Variants in EIF2B5 observed in about 807,000 individuals in gnomAD.
EIF2B5 encodes eukaryotic translation initiation factor 2B subunit epsilon, also known as translation initiation factor eIF2B subunit epsilon.
In EIF2B5, 38 loss-of-function variants were observed where a neutral mutation model predicts 87.3. The observed-to-expected ratio is 0.44, with a 90% CI of 0.34 to 0.57. The LOEUF (loss-of-function observed/expected upper bound fraction) is 0.57. Ranked by LOEUF, EIF2B5 falls within the 20% of genes least tolerant of loss-of-function variation. EIF2B5 has a pLI of 0.02. For synonymous variants in EIF2B5, 313 were observed against 339.6 expected (o/e 0.92, Z 0.86); for missense variants, 784 against 909.5 (o/e 0.86, Z 1.78).
chr3:184,136,784 T>C (rs755979083), intron 2 of EIF2B5, 48 bp downstream of exon 2: 1 of 1,613,646 alleles, frequency 6.2e-7, no homozygotes, highest in South Asian at 1.1e-5. Flanking sequence ...CTTTTTCCAG[T>C]TTTTTCAGGA....
chr3:184,139,399 GC>G (rs1225385533), intron 5 of EIF2B5, among the ~76,000 whole-genome samples: 2 of 144,418 alleles, frequency 1.4e-5, no homozygotes, highest in Non-Finnish European at 3.0e-5. Context: ...CCCTGCCTCA[GC>G]CTCCCAAATA....
Position 184,142,222 on chromosome 3 carries a change from T to C in EIF2B5, c.1303-15T>C. 1 of 1,614,074 alleles carries C rather than the reference T, an allele frequency of 6.2e-7. No individual in the cohort carries two copies. The highest frequency in any genetic ancestry group is 8.5e-7 in the Non-Finnish European group (1 of 1,180,022). ...CCTCCACACCCTAATGGTTCTGTGT[T>C]TTTTTTCCCCTTAGGTGGTCGTGGG... On this transcript the variant is annotated splice_polypyrimidine_tract_variant and intron_variant, in intron 8 of 15. Coordinates refer to ENST00000648915, the MANE Select transcript of EIF2B5 (RefSeq NM_003907.3). This position sits in a 1 kb window ranked among gnomAD's most constrained non-coding sequence, Gnocchi z 5.0.
chr3:184,143,100 A>C lies in EIF2B5; in HGVS notation c.1703A>C (p.Asn568Thr), dbSNP rs2109011126. 6.2e-7 allele frequency: 1 copy of C among 1,614,016 alleles called. No homozygotes were observed. The highest frequency in any genetic ancestry group is 8.5e-7 in the Non-Finnish European group (1 of 1,179,958). Residue 568 changes from asparagine to threonine, a missense_variant, in exon 12 of 16, where the codon AAC (asparagine) becomes ACC (threonine). By Grantham distance (65) the Asn-to-Thr change is moderately conservative (BLOSUM62 0). This residue lies in a region of EIF2B5 where 660 missense variants were observed against 789.5 expected (regional missense o/e 0.84). Transcript: ENST00000648915. The stretch of plus-strand genomic sequence containing the variant: ...ACACTACAGCGGGGCAAAGAGGAGA[A>C]CATTTCTTGTGACAATCTCGTCCTG... ...LGTLQRGKEENISCDNLVLEI... is the reference protein window; with the variant it reads ...LGTLQRGKEETISCDNLVLEI...
In EIF2B5 at chr3:184,145,079, C is replaced by T. The variant is rs1170507748; in HGVS notation, c.*136C>T. The T allele has an allele frequency of 7.4e-6, 6 of 808,468 alleles. No individual in the cohort carries two copies. The highest frequency in any genetic ancestry group is 1.7e-5 in the African/African-American group (1 of 59,256). The allele number at this position is 808,468 out of a possible 1,614,324, so 50.1% of individuals were successfully genotyped here. A position where few individuals can be genotyped will look rare whatever the true frequency, so the allele number is the denominator to read the frequency against. ...CTGAAAGGAGCAGAGGCTGGAACTA[C>T]AGTATTCTTTCCCCTGCTAGCAACC... is the stretch of plus-strand genomic sequence containing the variant. On this transcript the variant is annotated 3_prime_UTR_variant, in exon 16 of 16. Transcript: ENST00000648915. The surrounding 1 kb of genome is among the most constrained non-coding windows in gnomAD (Gnocchi z 4.0).
rs763377937 is a variant in EIF2B5, at chr3:184,142,392, C to T, written c.1444+14C>T. ...TGAAGATGAAAGGTGTGAGACTCAACAGGTGTGGGGCATCTGTGTGTCTCG... is the reference window on the plus strand; with the variant it reads ...TGAAGATGAAAGGTGTGAGACTCAATAGGTGTGGGGCATCTGTGTGTCTCG... On this transcript the variant is annotated intron_variant, in intron 9 of 15. Coordinates refer to ENST00000648915, the MANE Select transcript of EIF2B5 (RefSeq NM_003907.3). This position sits in a 1 kb window ranked among gnomAD's most constrained non-coding sequence, Gnocchi z 5.0. 2.5e-6 allele frequency: 4 copies of T among 1,614,078 alleles called. No individual in the cohort carries two copies. Among genetic ancestry groups the T allele is most frequent in the Non-Finnish European group, 3.4e-6 (4 of 1,180,046 alleles).
intron 2 of EIF2B5, 153 bp from the exon 3 acceptor site, chr3:184,137,467 G>T: frequency 1.4e-6 from 1 of 727,272 alleles, no homozygotes; most frequent in Admixed American, 2.1e-5. Flanking sequence ...ATTCATTATA[G>T]TTCATAATAC....
In EIF2B5 at chr3:184,142,263, G is replaced by A. The variant is rs531966163; in HGVS notation, c.1329G>A (p.Leu443=). Residue 443 remains leucine, a synonymous_variant, in exon 9 of 16, where the codon CTG becomes CTA. Coordinates refer to ENST00000648915, the MANE Select transcript of EIF2B5 (RefSeq NM_003907.3). This position sits in a 1 kb window ranked among gnomAD's most constrained non-coding sequence, Gnocchi z 5.0. ...SQVVVGPNIT[L]PEGSVISLHP... ...TGGTCGTGGGCCCAAATATCACGCTGCCTGAGGGCTCGGTGATCTCTTTGC... is the reference window on the plus strand; with the variant it reads ...TGGTCGTGGGCCCAAATATCACGCTACCTGAGGGCTCGGTGATCTCTTTGC... 9.4e-5 allele frequency: 151 copies of A among 1,614,110 alleles called. 1 individual carries two copies. The South Asian group carries it at 1.4e-3, about 15-fold the overall frequency.
At chr3:184,138,535 A>G (rs1158236203) in intron 5 of EIF2B5, among the ~76,000 whole-genome samples, 2 of 150,830 alleles carry the variant, frequency 1.3e-5, no homozygotes, top group African/African-American at 4.9e-5. Context: ...TTGTATTTTT[A>G]GTAGAGATGG....
chr3:184,139,942 T>C (rs1713544071), intron 5 of EIF2B5, 138 bp from the exon 6 acceptor site: 2 of 627,226 alleles, frequency 3.2e-6, no homozygotes, highest in South Asian at 1.6e-5. Flanking sequence ...AGAATCACTT[T>C]AACCCAGGAG....
In EIF2B5 at chr3:184,142,051, G is replaced by T; in HGVS notation, c.1283G>T (p.Arg428Leu). The T allele has an allele frequency of 6.2e-7, 1 of 1,614,152 alleles. No individual in the cohort carries two copies. Among genetic ancestry groups the T allele is most frequent in the South Asian group, 1.1e-5 (1 of 91,074 alleles). Residue 428 changes from arginine (R) to leucine (L), a missense_variant, in exon 8 of 16, where the codon CGC (arginine) becomes CTC (leucine). By Grantham distance (102) the Arg-to-Leu change is moderately radical. Transcript: ENST00000648915. This position sits in a 1 kb window ranked among gnomAD's most constrained non-coding sequence, Gnocchi z 5.0. ...EVKERVTLKP[R>L]SVLTSQVVVG... ...AAGGAACGAGTGACACTGAAACCAC[G>T]CTCTGTCCTCACTTCCCAGGTGAGA...
intron 13 of EIF2B5, 195 bp from the exon 14 acceptor site, chr3:184,143,904 A>T (rs923387039): frequency 2.9e-5 from 25 of 864,390 alleles, no homozygotes; most frequent in Non-Finnish European, 4.6e-5. Flanking sequence ...ATAGCATCTG[A>T]TCCCCTTTCA....
Position 184,140,328 on chromosome 3 carries a change from A to AG in EIF2B5, c.844-86dup, listed in dbSNP as rs1443847634. ...GAATCTTTGTGGCAGTGAGAGGCAG[A>AG]GGGGAACTTAAAAGGATTAGAAAAG... On this transcript the variant is annotated intron_variant, in intron 6 of 15. Transcript: ENST00000648915. 5.4e-6 allele frequency: 8 copies of AG among 1,482,120 alleles called. No individual in the cohort carries two copies. In the African/African-American group the frequency reaches 5.5e-5, roughly 10 times the overall value. The allele number at this position is 1,482,120 out of a possible 1,614,324, so 91.8% of individuals were successfully genotyped here.
rs1211001060 is a variant in EIF2B5, at chr3:184,140,435, C to A, written c.861C>A (p.Ile287=). The A allele has an allele frequency of 6.2e-7, 1 of 1,614,146 alleles. No homozygotes were observed. Residue 287 remains isoleucine (I), a synonymous_variant, in exon 7 of 16, where the codon ATC becomes ATA. Transcript: ENST00000648915. ...LVNEEILGNQ[I]HMHVTAKEYG... ...TCATTCAGATCCTAGGGAACCAGAT[C>A]CACATGCACGTAACAGCTAAGGAAT...
At chr3:184,140,379 C>T in intron 6 of EIF2B5, 39 bp from the exon 7 acceptor site, 2 of 1,609,320 alleles carry the variant, frequency 1.2e-6, no homozygotes, top group Non-Finnish European at 1.7e-6. Context: ...TTCTTCCTGT[C>T]TTTCTTGCTT....
chr3:184,143,160 C>G lies in EIF2B5; in HGVS notation c.1745+18C>G. On this transcript the variant is annotated intron_variant, in intron 12 of 15. Coordinates refer to ENST00000648915, the MANE Select transcript of EIF2B5 (RefSeq NM_003907.3). ...TCTCTCAAGTAAGAGCAGCCCCTCC[C>G]TGTTCTCCTCGGGGTGATCCCGGGA... The G allele has an allele frequency of 6.2e-7, 1 of 1,610,340 alleles. No individual in the cohort carries two copies. Among genetic ancestry groups the G allele is most frequent in the Non-Finnish European group, 8.5e-7 (1 of 1,178,084 alleles).
intron 5 of EIF2B5, among the ~76,000 whole-genome samples, chr3:184,139,580 C>CT (rs752302833): frequency 0.012 from 1,641 of 140,546 alleles, 8 homozygotes; most frequent in Middle Eastern, 0.015. Context: ...TGCACCTGGC[C>CT]TTTTTTTTTT....
Position 184,142,988 on chromosome 3 carries a change from A to T in EIF2B5, c.1655-64A>T. On this transcript the variant is annotated intron_variant, in intron 11 of 15. Transcript: ENST00000648915. The surrounding 1 kb of genome is among the most constrained non-coding windows in gnomAD (Gnocchi z 5.0). ...AGAAAGGGTTTGGTATCGAGTCAAG[A>T]CTAGATGACTTAGAGCATTCTGAAT... 1.9e-6 allele frequency: 3 copies of T among 1,581,532 alleles called. No individual in the cohort carries two copies. The highest frequency in any genetic ancestry group is 2.6e-6 in the Non-Finnish European group (3 of 1,155,972).
Position 184,138,307 on chromosome 3 carries a change from G to A in EIF2B5, c.765+61G>A, listed in dbSNP as rs73044240. On this transcript the variant is annotated intron_variant, in intron 5 of 15. Coordinates refer to ENST00000648915, the MANE Select transcript of EIF2B5 (RefSeq NM_003907.3). ...AGTAGAACTCTGTGGGTCTGTTATT[G>A]TCCCCTTAGAAGGCCAGGGTATATT... is the stretch of plus-strand genomic sequence containing the variant. 5.2e-4 allele frequency: 762 copies of A among 1,459,218 alleles called. 1 individual carries two copies. In the African/African-American group the frequency reaches 8.8e-3, roughly 17 times the overall value. 90.4% of individuals were successfully genotyped at this position (1,459,218 alleles called of 1,614,324 possible).
rs1235811321 is a variant in EIF2B5 at position 184,145,255 on chromosome 3, A to C, written c.*312A>C. The C allele has an allele frequency of 6.2e-6, 3 of 483,434 alleles. No individual in the cohort carries two copies. Among genetic ancestry groups the C allele is most frequent in the African/African-American group, 5.9e-5 (3 of 51,078 alleles). 29.9% of individuals were successfully genotyped at this position (483,434 alleles called of 1,614,324 possible). On this transcript the variant is annotated 3_prime_UTR_variant, in exon 16 of 16. Transcript: ENST00000648915. This position sits in a 1 kb window ranked among gnomAD's most constrained non-coding sequence, Gnocchi z 4.0. ...GGCTTTCCCTCAGGGAACAGCAGAG[A>C]GCAGTTGGCTCTTTCTGCTGCTTGT...
Sources: allele counts gnomAD v4.1 joint callset (sites outside exome capture counted in the v4.1 genomes callset), GRCh38; gene constraint gnomAD v4.1.1; regional missense constraint gnomAD v4.1.1; non-coding constraint Gnocchi (gnomAD v3.1); transcripts MANE v1.5; gene names NCBI Gene and HGNC (gene_info 2026-07-23, HGNC 2026-07-21).